The following IQCM variants were observed in gnomAD, a reference collection of about 807,000 sequenced individuals.
The protein encoded by IQCM is IQ motif containing M.
A neutral mutation model predicts 57.6 loss-of-function variants in IQCM; 45 were observed. That is an observed-to-expected ratio of 0.78 (90% confidence interval 0.62 to 1.00). IQCM has a LOEUF of 1.00. Ranked by LOEUF, IQCM falls within the 50% of genes least tolerant of loss-of-function variation. The probability of loss-of-function intolerance (pLI) is 0.00; values close to 1 mark genes in which losing one functional copy is unlikely to be tolerated. For synonymous variants in IQCM, 148 were observed against 158.9 expected, an observed-to-expected ratio of 0.93 and a Z score of 0.51; for missense variants, 468 against 511.6, an observed-to-expected ratio of 0.91 and a Z score of 0.82.
chr4:149,370,639 T>C (rs1412139000), intron 13 of IQCM, among the ~76,000 whole-genome samples: 4 of 152,032 alleles, frequency 2.6e-5, no homozygotes, highest in Non-Finnish European at 5.9e-5. Context: ...GTGCTGGCTC[T>C]GTGAATGCAC....
At chr4:149,597,038 TAAG>T (rs920275747) in intron 8 of IQCM, among the ~76,000 whole-genome samples, 3 of 152,094 alleles carry the variant, frequency 2.0e-5, no homozygotes, top group Admixed American at 1.3e-4. Context: ...GACTATAAAA[TAAG>T]AATGAAATTC....
intron 9 of IQCM, among the ~76,000 whole-genome samples, chr4:149,578,541 A>T (rs1751873399): frequency 6.6e-6 from 1 of 151,688 alleles, no homozygotes; most frequent in Non-Finnish European, 1.5e-5. Context: ...CCTCTTGGGG[A>T]TACTTCTGCT....
intron 12 of IQCM, among the ~76,000 whole-genome samples, chr4:149,472,326 AACAG>A (rs1395830839): frequency 3.9e-5 from 6 of 152,140 alleles, no homozygotes; most frequent in African/African-American, 9.7e-5. Context: ...ATACACCAAT[AACAG>A]ACAGACAGAG....
chr4:149,479,188 G>C (rs1445521456), intron 12 of IQCM, among the ~76,000 whole-genome samples: 1 of 152,132 alleles, frequency 6.6e-6, no homozygotes, highest in Non-Finnish European at 1.5e-5. Context: ...TAATGACAAT[G>C]ACTGGTTACA....
chr4:149,645,508 C>A (rs1255566932), intron 7 of IQCM, among the ~76,000 whole-genome samples: 1 of 152,182 alleles, frequency 6.6e-6, no homozygotes, highest in African/African-American at 2.4e-5. Context: ...AGAACCAGAA[C>A]ATTTCAAGCA....
At chr4:149,702,902 T>C (rs1763873888) in intron 5 of IQCM, among the ~76,000 whole-genome samples, 1 of 151,936 alleles carries the variant, frequency 6.6e-6, no homozygotes, top group Non-Finnish European at 1.5e-5. Context: ...TATGCTAACA[T>C]GTTGACAGCA....
At chr4:149,527,438 C>G (rs1443835502) in intron 12 of IQCM, among the ~76,000 whole-genome samples, 9 of 152,286 alleles carry the variant, frequency 5.9e-5, no homozygotes, top group African/African-American at 2.2e-4. Flanking sequence ...AGAGCTCTTC[C>G]TTCTGCCATG....
intron 4 of IQCM, 134 bp from the exon 5 acceptor site, chr4:149,733,642 A>T: frequency 2.4e-6 from 1 of 420,404 alleles, no homozygotes; most frequent in East Asian, 3.7e-5. Flanking sequence ...ACCTTGCTAT[A>T]TAAGACATTT....
At chr4:149,792,930 C>T (rs79295545) in intron 2 of IQCM, among the ~76,000 whole-genome samples, 3,343 of 152,260 alleles carry the variant, frequency 0.022, 62 homozygotes, top group South Asian at 0.036. Flanking sequence ...GTAGACCCCA[C>T]ACATCTCAGC....
intron 7 of IQCM, among the ~76,000 whole-genome samples, chr4:149,675,626 G>A (rs1761684853): frequency 6.6e-6 from 1 of 151,996 alleles, no homozygotes; most frequent in African/African-American, 2.4e-5. Context: ...ATAGAGTGGG[G>A]TTTTAGTGAT....
At chr4:149,388,252 A>G (rs759600509) in intron 13 of IQCM, among the ~76,000 whole-genome samples, 59 of 151,888 alleles carry the variant, frequency 3.9e-4, no homozygotes, top group Admixed American at 1.5e-3. Context: ...CTTTCAAGGA[A>G]GTACAAACTG....
chr4:149,658,975 T>A (rs906670259), intron 7 of IQCM, among the ~76,000 whole-genome samples: 1 of 152,062 alleles, frequency 6.6e-6, no homozygotes, highest in Non-Finnish European at 1.5e-5. Flanking sequence ...TTTCTTTCTC[T>A]TGCTTAATTG....
chr4:149,613,639 T>C (rs1404068683), intron 8 of IQCM, among the ~76,000 whole-genome samples: 1 of 152,098 alleles, frequency 6.6e-6, no homozygotes, highest in African/African-American at 2.4e-5. Context: ...TACATATGTA[T>C]ACATGTGCCA....
At chr4:149,409,903 T>C (rs1456361451) in intron 13 of IQCM, among the ~76,000 whole-genome samples, 1 of 152,170 alleles carries the variant, frequency 6.6e-6, no homozygotes. Flanking sequence ...AATCAGTTCT[T>C]GGCCTGGCCC....
At chr4:149,605,147 A>G (rs1754662678) in intron 8 of IQCM, among the ~76,000 whole-genome samples, 1 of 152,216 alleles carries the variant, frequency 6.6e-6, no homozygotes, top group Admixed American at 6.5e-5. Flanking sequence ...CAAAAGGTCA[A>G]TTATGATTGA....
chr4:149,778,939 T>C (rs996021771), intron 2 of IQCM, among the ~76,000 whole-genome samples: 2 of 152,128 alleles, frequency 1.3e-5, no homozygotes, highest in African/African-American at 4.8e-5. Flanking sequence ...ACACAAATTC[T>C]ATACAATCTC....
intron 2 of IQCM, among the ~76,000 whole-genome samples, chr4:149,799,945 A>G (rs1773458905): frequency 6.6e-6 from 1 of 151,920 alleles, no homozygotes; most frequent in Admixed American, 6.6e-5. Context: ...TAGCAATTCC[A>G]TTCAAACTAT....
chr4:149,750,733 A>T (rs1768357352), intron 2 of IQCM, among the ~76,000 whole-genome samples: 2 of 152,202 alleles, frequency 1.3e-5, no homozygotes, highest in Non-Finnish European at 2.9e-5. Flanking sequence ...AACAATAAAG[A>T]GAGAAAATTT....
At chr4:149,383,348 G>A (rs767331079) in intron 13 of IQCM, among the ~76,000 whole-genome samples, 6 of 152,082 alleles carry the variant, frequency 3.9e-5, no homozygotes, top group East Asian at 1.9e-4. Context: ...AGTAAAAAAC[G>A]AATACCTTAA....
Sources: gnomAD v4.1 joint callset for allele counts (sites outside exome capture counted in the v4.1 genomes callset) on GRCh38, gnomAD v4.1.1 for gene constraint, MANE v1.5 for transcripts, NCBI Gene and HGNC (gene_info 2026-07-23, HGNC 2026-07-21) for gene names.